Variants in RFC1 observed in about 807,000 individuals in gnomAD.
The protein encoded by RFC1 is A1 140 kDa subunit.
In RFC1, 37 loss-of-function variants were observed where a neutral mutation model predicts 137.4. That is an observed-to-expected ratio of 0.27 (90% confidence interval 0.21 to 0.35). RFC1 has a LOEUF of 0.35. Ranked by LOEUF, RFC1 falls within the 10% of genes least tolerant of loss-of-function variation. The pLI is 1.00. For synonymous variants in RFC1, 429 were observed against 455.7 expected (o/e 0.94, Z 0.75); for missense variants, 1,205 against 1,358.5 (o/e 0.89, Z 1.78).
rs544517630 is a variant in RFC1 at position 39,303,167 on chromosome 4, G to A, written c.2111-16C>T. On this transcript the variant is annotated splice_polypyrimidine_tract_variant and intron_variant, in intron 15 of 24. Transcript: ENST00000349703. ...GCTGCTCCATCTGACCCAGGTTGAG[G>A]AGCAATGGGATGAGACAAAAACAAA... 1.9e-6 allele frequency: 3 copies of A among 1,574,178 alleles called. No individual in the cohort carries two copies. The highest frequency in any genetic ancestry group is 1.7e-4 in the Middle Eastern group (1 of 5,986).
chr4:39,325,533 C>T lies in RFC1; in HGVS notation c.642+1030G>A, dbSNP rs181445340. 7.2e-4 allele frequency among the ~76,000 whole-genome samples: 109 copies of T among 152,278 alleles called. 1 individual carries two copies. Among genetic ancestry groups the T allele is most frequent in the African/African-American group, 2.6e-3 (107 of 41,550 alleles). On this transcript the variant is annotated intron_variant, in intron 6 of 24. Transcript: ENST00000349703. Reference sequence around the variant, plus strand: ...AAGTATCTGGGACCACAGGTGTGCACCACCATGCCCAGTTGATTTTTGTAT... The same window carrying T: ...AAGTATCTGGGACCACAGGTGTGCATCACCATGCCCAGTTGATTTTTGTAT...
chr4:39,333,605 C>CA (rs1053215588), intron 4 of RFC1, among the ~76,000 whole-genome samples: 1 of 151,354 alleles, frequency 6.6e-6, no homozygotes, highest in African/African-American at 2.4e-5. Flanking sequence ...AAACGGCTGT[C>CA]AAAAAAACAA....
In RFC1 at chr4:39,332,052, T is replaced by C. The variant is rs138864711; in HGVS notation, c.332-4296A>G. Reference sequence around the variant, plus strand: ...GGCAGTTTCCCTGCACAAGCTCTCTTCTCTTGTCTGCCGACACTTGAGACG... The same window carrying C: ...GGCAGTTTCCCTGCACAAGCTCTCTCCTCTTGTCTGCCGACACTTGAGACG... On this transcript the variant is annotated intron_variant, in intron 4 of 24. Transcript: ENST00000349703. 2.5e-3 allele frequency among the ~76,000 whole-genome samples: 376 copies of C among 152,326 alleles called. 6 individuals are homozygous for C. In the East Asian group the frequency reaches 0.055, roughly 22 times the overall value.
rs1578116522 is a variant in RFC1 at position 39,304,876 on chromosome 4, C to A, written c.2048G>T (p.Ser683Ile). 6.2e-7 allele frequency: 1 copy of A among 1,613,880 alleles called. No individual in the cohort carries two copies. The highest frequency in any genetic ancestry group is 8.5e-7 in the Non-Finnish European group (1 of 1,179,758). ...ELNASDTRSK[S>I]SLKAIVAESL... is the part of the protein sequence containing the mutation. ...CTCAGCAACAATCGCCTTCAAACTG[C>A]TCTTACTCCGGGTGTCACTTGCATT... Residue 683 changes from serine (S) to isoleucine (I), a missense_variant, in exon 15 of 25, where the codon AGC becomes ATC. Around this residue, in one of 3 missense-constraint regions of RFC1, gnomAD observed 962 missense variants for 1,035.3 expected, o/e 0.93. Transcript: ENST00000349703.
chr4:39,347,828 A>G (rs1740934142), intron 2 of RFC1, among the ~76,000 whole-genome samples: 1 of 152,222 alleles, frequency 6.6e-6, no homozygotes, highest in Non-Finnish European at 1.5e-5. Flanking sequence ...AAGGTTTTAC[A>G]TGGAAATGAG....
chr4:39,359,888 AG>A (rs1211240978), intron 1 of RFC1, among the ~76,000 whole-genome samples: 2 of 151,708 alleles, frequency 1.3e-5, no homozygotes, highest in Non-Finnish European at 2.9e-5. Flanking sequence ...GAAGGAAGTG[AG>A]GGATAAAAGA....
intron 4 of RFC1, among the ~76,000 whole-genome samples, chr4:39,336,010 T>C (rs971606303): frequency 2.0e-5 from 3 of 152,162 alleles, no homozygotes; most frequent in African/African-American, 7.2e-5. Context: ...ACCAGAACAG[T>C]CTGTTCATTT....
chr4:39,301,653 A>G (rs1738367094), intron 19 of RFC1, among the ~76,000 whole-genome samples: 1 of 152,216 alleles, frequency 6.6e-6, no homozygotes, highest in African/African-American at 2.4e-5. Flanking sequence ...GCTCTAAAAA[A>G]TAAAGCGTAT....
chr4:39,327,237 G>C (rs1051433511), intron 5 of RFC1, among the ~76,000 whole-genome samples: 9 of 152,150 alleles, frequency 5.9e-5, no homozygotes, highest in African/African-American at 1.9e-4. Context: ...GAGGTCAATA[G>C]TAAAATGAGT....
intron 9 of RFC1, among the ~76,000 whole-genome samples, chr4:39,319,371 G>A (rs766114049): frequency 1.4e-4 from 21 of 152,248 alleles, no homozygotes; most frequent in South Asian, 2.1e-4. Context: ...CTTACCAGGT[G>A]GATGATCTTA....
chr4:39,365,325 A>G (rs1378580807), intron 1 of RFC1: 5 of 189,622 alleles, frequency 2.6e-5, no homozygotes, highest in Non-Finnish European at 3.4e-5. Flanking sequence ...GCCCCCCCCC[A>G]GAATGTTGTC....
intron 11 of RFC1, among the ~76,000 whole-genome samples, chr4:39,311,868 T>TC (rs1738977082): frequency 6.6e-6 from 1 of 152,190 alleles, no homozygotes; most frequent in African/African-American, 2.4e-5. Flanking sequence ...GACCAGCTCT[T>TC]CATACCTTCT....
intron 9 of RFC1, chr4:39,318,048 T>G (rs1357087437): frequency 6.6e-6 from 1 of 152,066 alleles, no homozygotes; most frequent in African/African-American, 2.4e-5. Flanking sequence ...TCCCAGCTGC[T>G]CGGGAGGCTG....
At position 39,329,061 on chromosome 4, in the gene RFC1, A is replaced by C. The variant is rs1426407250; in HGVS notation, c.332-1305T>G. On this transcript the variant is annotated intron_variant, in intron 4 of 24. Coordinates refer to ENST00000349703, the MANE Select transcript of RFC1 (RefSeq NM_002913.5). Reference sequence around the variant, plus strand: ...TTTAAGCATTCATGACAACGTTTAGATAATTAGGAGCTCCAAAAATGTACC... The same window carrying C: ...TTTAAGCATTCATGACAACGTTTAGCTAATTAGGAGCTCCAAAAATGTACC... 6.9e-5 allele frequency among the ~76,000 whole-genome samples: 10 copies of C among 144,784 alleles called. No homozygotes were observed. In the East Asian group the frequency reaches 2.2e-3, roughly 32 times the overall value. 95.0% of individuals were successfully genotyped at this position (144,784 alleles called of 152,430 possible).
chr4:39,351,283 A>ATT, intron 2 of RFC1, 65 bp downstream of exon 2: 22 of 485,266 alleles, frequency 4.5e-5, no homozygotes, highest in East Asian at 8.5e-5. Context: ...AAAAAAAAAA[A>ATT]AACTTATAAG....
chr4:39,310,461 C>T (rs1039182831), intron 12 of RFC1, among the ~76,000 whole-genome samples: 2 of 152,298 alleles, frequency 1.3e-5, no homozygotes, highest in Middle Eastern at 3.4e-3. Flanking sequence ...ACCGGAATAA[C>T]CTGGATGGAC....
intron 3 of RFC1, among the ~76,000 whole-genome samples, chr4:39,343,677 C>T (rs1578157895): frequency 1.3e-5 from 2 of 152,172 alleles, no homozygotes; most frequent in Non-Finnish European, 2.9e-5. Flanking sequence ...AAGAGGAACG[C>T]GTACTTCTTT....
At chr4:39,334,742 TC>T (rs1014307046) in intron 4 of RFC1, among the ~76,000 whole-genome samples, 7 of 152,198 alleles carry the variant, frequency 4.6e-5, no homozygotes, top group African/African-American at 1.7e-4. Context: ...ACTTAGATTT[TC>T]CCTCTAGGAT....
chr4:39,365,153 G>GAAA (rs745527928), intron 1 of RFC1, among the ~76,000 whole-genome samples: 21,542 of 79,740 alleles, frequency 0.27, 2,336 homozygotes, highest in Non-Finnish European at 0.3. Flanking sequence ...GGGTTGAAAT[G>GAAA]AAAAAAAAAA....
Sources: allele counts gnomAD v4.1 joint callset (sites outside exome capture counted in the v4.1 genomes callset), GRCh38; gene constraint gnomAD v4.1.1; regional missense constraint gnomAD v4.1.1; transcripts MANE v1.5; gene names NCBI Gene and HGNC (gene_info 2026-07-23, HGNC 2026-07-21).